Variants in SLIT2 observed in about 807,000 individuals in gnomAD.
SLIT2 encodes the protein slit homolog 2 protein.
In SLIT2, 41 loss-of-function variants were observed where a neutral mutation model predicts 185.7. That is an observed-to-expected ratio of 0.22 (90% CI 0.17 to 0.29). The LOEUF is 0.29. SLIT2 is among the 10% of genes least tolerant of loss of function. The pLI is 1.00. For missense variants in SLIT2, 1,571 were observed against 1,909.0 expected, an observed-to-expected ratio of 0.82 and a Z score of 3.30; for synonymous variants, 693 against 680.2, an observed-to-expected ratio of 1.02 and a Z score of -0.29.
chr4:20,580,012 ATAT>A (rs1464347292), intron 29 of SLIT2, among the ~76,000 whole-genome samples: 1 of 143,696 alleles, frequency 7.0e-6, no homozygotes, highest in Non-Finnish European at 1.5e-5. Context: ...ATCATATATA[ATAT>A]ATTATTATAT....
intron 4 of SLIT2, among the ~76,000 whole-genome samples, chr4:20,402,279 G>A (rs778669745): frequency 5.9e-5 from 9 of 151,888 alleles, no homozygotes; most frequent in Non-Finnish European, 1.0e-4. Context: ...GTTGTTTTCA[G>A]TGCACCTAAG....
intron 4 of SLIT2, among the ~76,000 whole-genome samples, chr4:20,426,362 G>A (rs1728556741): frequency 6.6e-6 from 1 of 152,204 alleles, no homozygotes; most frequent in Non-Finnish European, 1.5e-5. Flanking sequence ...AGAATGAGTG[G>A]AGAGGCTGGG....
intron 4 of SLIT2, among the ~76,000 whole-genome samples, chr4:20,406,729 AT>A (rs1726805784): frequency 6.9e-6 from 1 of 144,514 alleles, no homozygotes; most frequent in Admixed American, 7.0e-5. Context: ...AATCAGTACA[AT>A]TAGTATGGAA....
chr4:20,320,945 C>A (rs1719026137), intron 4 of SLIT2, among the ~76,000 whole-genome samples: 1 of 152,104 alleles, frequency 6.6e-6, no homozygotes, highest in African/African-American at 2.4e-5. Flanking sequence ...AAGCAGATCA[C>A]TTGAGGCCAG....
chr4:20,505,608 G>A (rs1719134274), intron 9 of SLIT2, among the ~76,000 whole-genome samples: 2 of 151,988 alleles, frequency 1.3e-5, no homozygotes, highest in Admixed American at 1.3e-4. Context: ...ATGTTGTGTA[G>A]TCTACTTATG....
At chr4:20,489,103 C>T (rs1489294569) in intron 8 of SLIT2, 121 bp downstream of exon 8, 1 of 656,150 alleles carries the variant, frequency 1.5e-6, no homozygotes, top group Non-Finnish European at 2.5e-6. Flanking sequence ...GTGCACTAAT[C>T]ACTCTACAGA....
At chr4:20,487,594 T>G (rs1717366548) in intron 7 of SLIT2, among the ~76,000 whole-genome samples, 1 of 152,136 alleles carries the variant, frequency 6.6e-6, no homozygotes. Context: ...ATATTTAGAG[T>G]ACAAGGATAT....
At chr4:20,543,637 A>G (rs563207461) in intron 21 of SLIT2, among the ~76,000 whole-genome samples, 1 of 152,218 alleles carries the variant, frequency 6.6e-6, no homozygotes, top group Admixed American at 6.5e-5. Context: ...AACATAGGTA[A>G]TGAGGTTCAA....
chr4:20,472,524 C>CGA (rs1553908726), intron 5 of SLIT2, among the ~76,000 whole-genome samples: 181 of 7,746 alleles, frequency 0.023, 62 homozygotes, highest in African/African-American at 0.085. Flanking sequence ...AGATATATAT[C>CGA]TATATATAGA....
intron 4 of SLIT2, among the ~76,000 whole-genome samples, chr4:20,382,887 G>A (rs1421987934): frequency 1.3e-5 from 2 of 152,088 alleles, no homozygotes; most frequent in Non-Finnish European, 2.9e-5. Context: ...GTACAAAACT[G>A]ATTTTAAGAC....
At position 20,598,334 on chromosome 4, in the gene SLIT2, T is replaced by A; in HGVS notation, c.3631T>A (p.Tyr1211Asn). 6.2e-7 allele frequency: 1 copy of A among 1,614,092 alleles called. No homozygotes were observed. Among genetic ancestry groups the A allele is most frequent in the Non-Finnish European group, 8.5e-7 (1 of 1,179,972 alleles). Residue 1211 changes from tyrosine (Y) to asparagine (N), a missense_variant, in exon 33 of 37, where the codon TAT (tyrosine) becomes AAT (asparagine). Tyr to Asn is a moderately radical substitution (Grantham distance 143, BLOSUM62 -2). Transcript: ENST00000504154. ...CAAAGACCATATCGCGGTAGAACTC[T>A]ATCGGGGGCGTGTTCGTGCCAGCTA... ...GDKDHIAVEL[Y>N]RGRVRASYDT...
rs375104599 is a variant in SLIT2, at chr4:20,496,042, T to G, written c.914+4143T>G. Among the ~76,000 whole-genome samples, 160 of 152,288 alleles carry G rather than the reference T, an allele frequency of 1.1e-3. 1 individual carries two copies. The highest frequency in any genetic ancestry group is 3.6e-3 in the African/African-American group (151 of 41,586). On this transcript the variant is annotated intron_variant, in intron 9 of 36. Transcript: ENST00000504154. ...ACCATAAATTGTTGGTTGAGTTTCT[T>G]TATTGCAAGTTATGAGATATTTCAT...
intron 4 of SLIT2, among the ~76,000 whole-genome samples, chr4:20,351,105 A>G (rs1329126550): frequency 6.6e-6 from 1 of 151,112 alleles, no homozygotes; most frequent in African/African-American, 2.4e-5. Context: ...CTGAAGTGCA[A>G]TGCTGCAATC....
At chr4:20,343,047 G>A (rs764953444) in intron 4 of SLIT2, among the ~76,000 whole-genome samples, 6 of 151,532 alleles carry the variant, frequency 4.0e-5, no homozygotes, top group Non-Finnish European at 8.8e-5. Context: ...GGTGTTTAGG[G>A]TATCCATCAC....
At chr4:20,400,012 T>C (rs982804981) in intron 4 of SLIT2, among the ~76,000 whole-genome samples, 2 of 151,724 alleles carry the variant, frequency 1.3e-5, no homozygotes, top group Non-Finnish European at 2.9e-5. Flanking sequence ...AAGAGAATGA[T>C]CTCATAGAAC....
chr4:20,483,407 A>G (rs1716905232), intron 6 of SLIT2, among the ~76,000 whole-genome samples: 2 of 152,082 alleles, frequency 1.3e-5, no homozygotes. Context: ...TAGAACTTAG[A>G]AGTAACTGCA....
chr4:20,597,972 G>A (rs1266457744), intron 32 of SLIT2, among the ~76,000 whole-genome samples: 1 of 152,142 alleles, frequency 6.6e-6, no homozygotes, highest in Non-Finnish European at 1.5e-5. Context: ...TATAACGGGA[G>A]CAAAAGGAGC....
chr4:20,403,908 CAAA>C (rs753369871), intron 4 of SLIT2, among the ~76,000 whole-genome samples: 1 of 144,820 alleles, frequency 6.9e-6, no homozygotes, highest in East Asian at 2.0e-4. Context: ...AAAAAAAAAA[CAAA>C]AACAAAAGCA....
At chr4:20,393,137 C>T (rs1260928797) in intron 4 of SLIT2, among the ~76,000 whole-genome samples, 1 of 151,968 alleles carries the variant, frequency 6.6e-6, no homozygotes, top group Non-Finnish European at 1.5e-5. Flanking sequence ...TTTTCAGGTC[C>T]ATTATAATCT....
Sources: gnomAD v4.1 joint callset for allele counts (sites outside exome capture counted in the v4.1 genomes callset) on GRCh38, gnomAD v4.1.1 for gene constraint, MANE v1.5 for transcripts, NCBI Gene and HGNC (gene_info 2026-07-23, HGNC 2026-07-21) for gene names.